The following ADGB variants were observed in gnomAD, a reference collection of about 807,000 sequenced individuals.
ADGB encodes androglobin.
A neutral mutation model predicts 210.5 loss-of-function variants in ADGB; 172 were observed. That is an observed-to-expected ratio of 0.82 (90% confidence interval 0.72 to 0.93). ADGB has a LOEUF of 0.93. ADGB is among the 40% of genes least tolerant of loss of function. ADGB has a pLI of 0.00. For synonymous variants in ADGB, 658 were observed against 662.7 expected (o/e 0.99, Z 0.11); for missense variants, 2,025 against 1,964.8 (o/e 1.03, Z -0.58).
chr6:146,716,522 A>G (rs1469766987), intron 14 of ADGB, among the ~76,000 whole-genome samples: 2 of 121,560 alleles, frequency 1.6e-5, no homozygotes, highest in Admixed American at 8.2e-5. Context: ...GAACCCGGGA[A>G]GCGGAGCTTG....
chr6:146,730,413 C>A (rs1358941919), intron 20 of ADGB, among the ~76,000 whole-genome samples: 1 of 152,140 alleles, frequency 6.6e-6, no homozygotes, highest in Non-Finnish European at 1.5e-5. Context: ...TTCACACATA[C>A]CATCAAGATA....
chr6:146,665,437 T>C (rs1215740725), intron 6 of ADGB, among the ~76,000 whole-genome samples: 1 of 152,080 alleles, frequency 6.6e-6, no homozygotes, highest in East Asian at 1.9e-4. Context: ...CAGATCTTTG[T>C]AGGTAGCTGA....
rs1195027618 is a variant in ADGB, at chr6:146,782,002, A to G, written c.3863-18A>G. On this transcript the variant is annotated intron_variant, in intron 29 of 35. Coordinates refer to ENST00000397944, the MANE Select transcript of ADGB (RefSeq NM_024694.4). ...GTTATATTATGACTCACCATTTTTT[A>G]TTTTTATGTCTCTCTAGCTTATGGT... 7.0e-7 allele frequency: 1 copy of G among 1,429,454 alleles called. No individual in the cohort carries two copies. Among genetic ancestry groups the G allele is most frequent in the Admixed American group, 3.3e-5 (1 of 30,314 alleles). The allele number at this position is 1,429,454 out of a possible 1,614,324, so 88.5% of individuals were successfully genotyped here. A position where few individuals can be genotyped will look rare whatever the true frequency, so the allele number is the denominator to read the frequency against.
rs116849388 is a variant in ADGB, at chr6:146,794,660, G to C, written c.4537+6050G>C. Among the ~76,000 whole-genome samples the C allele has an allele frequency of 1.4e-3, 218 of 152,104 alleles. 7 individuals are homozygous for C. The East Asian group carries it at 0.036, about 25-fold the overall frequency. ...AAAGGGGGGTGGGACCTGGGGAATA[G>C]GAGAGTGAGAACTTGACACATCCTC... On this transcript the variant is annotated intron_variant, in intron 33 of 35. Coordinates refer to ENST00000397944, the MANE Select transcript of ADGB (RefSeq NM_024694.4).
intron 1 of ADGB, among the ~76,000 whole-genome samples, chr6:146,630,550 C>A (rs1781049370): frequency 6.6e-6 from 1 of 151,786 alleles, no homozygotes; most frequent in Admixed American, 6.6e-5. Flanking sequence ...TCTTAAAAAA[C>A]AAACAAACAA....
chr6:146,808,672 TCTA>T lies in ADGB; in HGVS notation c.4819-6357_4819-6355del, dbSNP rs562556737. 2.2e-3 allele frequency among the ~76,000 whole-genome samples: 332 copies of T among 152,320 alleles called. 1 individual carries two copies. Among genetic ancestry groups the T allele is most frequent in the Non-Finnish European group, 3.8e-3 (257 of 68,034 alleles). On this transcript the variant is annotated intron_variant, in intron 35 of 35. Transcript: ENST00000397944. ...TTGGCAGGTGATTTTACTTATCCTTTCTACTGTTAATCTTTGTTATTTAAAATA... is the reference window on the plus strand; with the variant it reads ...TTGGCAGGTGATTTTACTTATCCTTTCTGTTAATCTTTGTTATTTAAAATA...
In ADGB at chr6:146,637,445, G is replaced by A. The variant is rs879492843; in HGVS notation, c.237+1908G>A. On this transcript the variant is annotated intron_variant, in intron 2 of 35. Coordinates refer to ENST00000397944, the MANE Select transcript of ADGB (RefSeq NM_024694.4). ...AAACTATGTATGAAGGATAAGCTAC[G>A]GAGCAAATGAATAAACAGCAGCAGC... Among the ~76,000 whole-genome samples, 9 of 152,036 alleles carry A rather than the reference G, an allele frequency of 5.9e-5. 1 individual carries two copies. The highest frequency in any genetic ancestry group is 3.9e-4 in the East Asian group (2 of 5,164).
intron 33 of ADGB, among the ~76,000 whole-genome samples, chr6:146,797,085 CAT>C (rs1223939480): frequency 6.6e-6 from 1 of 152,064 alleles, no homozygotes; most frequent in Non-Finnish European, 1.5e-5. Flanking sequence ...GGCCAACAAA[CAT>C]ATGAAAAAAT....
At chr6:146,798,329 A>C (rs1028006005) in intron 33 of ADGB, among the ~76,000 whole-genome samples, 2 of 152,238 alleles carry the variant, frequency 1.3e-5, no homozygotes, top group Non-Finnish European at 2.9e-5. Flanking sequence ...TGTTGGGCTT[A>C]TAATGTACAA....
rs1456303956 is a variant in ADGB, at chr6:146,728,668, C to A, written c.2447C>A (p.Ala816Asp). The change falls in exon 20 of 36, where the codon GCT becomes GAT. Residue 816 changes from alanine to aspartate, a missense_variant. Transcript: ENST00000397944. The stretch of plus-strand genomic sequence containing the variant: ...AAAGATAAGGGTAAACTCTCTGCAG[C>A]TTTGAAGGATCTGCAAACAGCTCAC... ...NFKDKGKLSAALKDLQTAHYP... is the reference protein window; with the variant it reads ...NFKDKGKLSADLKDLQTAHYP... 1.3e-6 allele frequency: 2 copies of A among 1,551,430 alleles called. No homozygotes were observed. The highest frequency in any genetic ancestry group is 1.7e-6 in the Non-Finnish European group (2 of 1,146,886).
chr6:146,715,475 T>G, intron 14 of ADGB, 60 bp downstream of exon 14: 1 of 1,233,620 alleles, frequency 8.1e-7, no homozygotes, highest in Non-Finnish European at 1.1e-6. Flanking sequence ...GAGGGGCATC[T>G]CTGCTTCTTG....
chr6:146,791,527 G>C (rs907131777), intron 33 of ADGB, among the ~76,000 whole-genome samples: 3 of 151,936 alleles, frequency 2.0e-5, no homozygotes, highest in African/African-American at 7.3e-5. Context: ...ATTTTTTATA[G>C]AGATGAGGTC....
rs548095386 is a variant in ADGB at position 146,730,182 on chromosome 6, A to G, written c.2520+1441A>G. Among the ~76,000 whole-genome samples the G allele has an allele frequency of 1.2e-4, 18 of 152,306 alleles. No homozygotes were observed. In the East Asian group the frequency reaches 3.5e-3, roughly 29 times the overall value. Reference sequence around the variant, plus strand: ...ACTTATATAAAAATTTATTTTATCCATTATTCAAACTTGACTGGGTGCTTG... The same window carrying G: ...ACTTATATAAAAATTTATTTTATCCGTTATTCAAACTTGACTGGGTGCTTG... On this transcript the variant is annotated intron_variant, in intron 20 of 35. Transcript: ENST00000397944.
At chr6:146,728,878 A>G in intron 20 of ADGB, 137 bp downstream of exon 20, 1 of 725,256 alleles carries the variant, frequency 1.4e-6, no homozygotes, top group Non-Finnish European at 2.1e-6. Context: ...AAGTGATTTC[A>G]GAAAGCAGAA....
intron 35 of ADGB, 147 bp downstream of exon 35, chr6:146,802,158 C>A: frequency 1.9e-6 from 1 of 519,592 alleles, no homozygotes. Flanking sequence ...GAAAACATCA[C>A]AAATTTGATT....
intron 13 of ADGB, among the ~76,000 whole-genome samples, chr6:146,703,478 C>T (rs1776523399): frequency 6.6e-6 from 1 of 151,756 alleles, no homozygotes; most frequent in African/African-American, 2.4e-5. Flanking sequence ...TCTCTACTAA[C>T]TGAAACTTTG....
chr6:146,695,899 GA>G (rs1776395121), intron 12 of ADGB, among the ~76,000 whole-genome samples: 2 of 151,874 alleles, frequency 1.3e-5, no homozygotes, highest in Non-Finnish European at 1.5e-5. Context: ...GCCCTATTGA[GA>G]AGACCAGTTG....
At position 146,801,924 on chromosome 6, in the gene ADGB, G is replaced by C. The variant is rs955211736; in HGVS notation, c.4731G>C (p.Arg1577Ser). 4 of 1,551,194 alleles carry C rather than the reference G, an allele frequency of 2.6e-6. No homozygotes were observed. The highest frequency in any genetic ancestry group is 3.5e-6 in the Non-Finnish European group (4 of 1,146,766). ...AAATTCATCAGTTTCGACAGCATAG[G>C]ACCAGAGTCCTTAGCATTCGAAACA... ...AEEIHQFRQHRTRVLSIRNID... is the reference protein window; with the variant it reads ...AEEIHQFRQHSTRVLSIRNID... Residue 1577 changes from arginine to serine, a missense_variant, in exon 35 of 36, where the codon AGG becomes AGC. Transcript: ENST00000397944.
chr6:146,804,483 A>T (rs945347978), intron 35 of ADGB, among the ~76,000 whole-genome samples: 1 of 151,902 alleles, frequency 6.6e-6, no homozygotes, highest in African/African-American at 2.4e-5. Context: ...CAAATATGTC[A>T]CCCCACCAAG....
Sources: gnomAD v4.1 joint callset for allele counts (sites outside exome capture counted in the v4.1 genomes callset) on GRCh38, gnomAD v4.1.1 for gene constraint, MANE v1.5 for transcripts, NCBI Gene and HGNC (gene_info 2026-07-23, HGNC 2026-07-21) for gene names.